YIPF4: variants seen among roughly 807,000 people sequenced by gnomAD.
YIPF4 encodes the protein protein YIPF4.
A neutral mutation model predicts 29.4 loss-of-function variants in YIPF4; 18 were observed. The observed-to-expected ratio is 0.61, with a 90% CI of 0.42 to 0.91. The LOEUF is 0.91. YIPF4 is among the 40% of genes least tolerant of loss of function. The pLI is 0.00. For missense variants in YIPF4, 279 were observed against 282.7 expected (o/e 0.99, Z 0.09); for synonymous variants, 115 against 104.7 (o/e 1.10, Z -0.60).
rs1193780020 is a variant in YIPF4 at position 32,309,626 on chromosome 2, T to C, written c.*4000T>C. On this transcript the variant is annotated 3_prime_UTR_variant, in exon 6 of 6. Coordinates refer to ENST00000238831, the MANE Select transcript of YIPF4 (RefSeq NM_032312.4). ...AAAACTAGTTGAATACTTCTAAATA[T>C]TCATTTTTGTTAGTGCACATTTTAT... The C allele has an allele frequency of 6.6e-6, 1 of 152,006 alleles. No homozygotes were observed. The highest frequency in any genetic ancestry group is 1.5e-5 in the Non-Finnish European group (1 of 68,006). The allele number at this position is 152,006 out of a possible 1,614,324, so 9.4% of individuals were successfully genotyped here. A position where few individuals can be genotyped will look rare whatever the true frequency, so the allele number is the denominator to read the frequency against.
At chr2:32,285,517 T>A (rs866789223) in intron 1 of YIPF4, among the ~76,000 whole-genome samples, 3 of 152,186 alleles carry the variant, frequency 2.0e-5, no homozygotes, top group South Asian at 4.1e-4. Flanking sequence ...ACTATCAGTG[T>A]TCTTTTGAGT....
At chr2:32,284,701 T>G (rs1375998671) in intron 1 of YIPF4, among the ~76,000 whole-genome samples, 1 of 152,196 alleles carries the variant, frequency 6.6e-6, no homozygotes, top group African/African-American at 2.4e-5. Context: ...AATGCAAGAA[T>G]GGACTAATAC....
rs2031657604 is a variant in YIPF4, at chr2:32,309,034, A to G, written c.*3408A>G. On this transcript the variant is annotated 3_prime_UTR_variant, in exon 6 of 6. Transcript: ENST00000238831. ...TGACAGAGTGAGACTCCGTCTCAAA[A>G]AAAAAAAAAAAAAAAATCAAAATCT... 6.6e-6 allele frequency: 1 copy of G among 151,610 alleles called. No individual in the cohort carries two copies. The highest frequency in any genetic ancestry group is 2.4e-5 in the African/African-American group (1 of 41,366). 9.4% of individuals were successfully genotyped at this position (151,610 alleles called of 1,614,324 possible).
chr2:32,283,836 G>C (rs1162029691), intron 1 of YIPF4, among the ~76,000 whole-genome samples: 1 of 151,594 alleles, frequency 6.6e-6, no homozygotes, highest in East Asian at 1.9e-4. Flanking sequence ...TCCTGCCTCA[G>C]CCTCCCAAGT....
At position 32,309,134 on chromosome 2, in the gene YIPF4, T is replaced by C. The variant is rs894771704; in HGVS notation, c.*3508T>C. On this transcript the variant is annotated 3_prime_UTR_variant, in exon 6 of 6. Coordinates refer to ENST00000238831, the MANE Select transcript of YIPF4 (RefSeq NM_032312.4). ...GCTTATGAACCATTGTAAAACCTTA[T>C]TTCTAAGGTCTGTAAGACAGTTTTA... 1.3e-5 allele frequency: 2 copies of C among 152,202 alleles called. No homozygotes were observed. The allele number at this position is 152,202 out of a possible 1,614,324, so 9.4% of individuals were successfully genotyped here.
chr2:32,292,912 G>A (rs7597481), intron 3 of YIPF4, among the ~76,000 whole-genome samples: 12 of 150,486 alleles, frequency 8.0e-5, no homozygotes, highest in Non-Finnish European at 1.3e-4. Flanking sequence ...ATGGCACACT[G>A]GGGTAAATGA....
rs2031548229 is a variant in YIPF4 at position 32,305,510 on chromosome 2, G to C, written c.619G>C (p.Ala207Pro). Residue 207 changes from alanine (A) to proline (P), a missense_variant, in exon 6 of 6, where the codon GCC becomes CCC. Ala to Pro is a conservative substitution (Grantham distance 27). Transcript: ENST00000238831. ...LIKLFGVFWA[A>P]YSAASLLVGE... ...AAAGCTGTTTGGTGTGTTTTGGGCT[G>C]CCTACAGTGCTGCTTCATTGTTAGT... The C allele has an allele frequency of 6.2e-7, 1 of 1,600,712 alleles. No individual in the cohort carries two copies. Among genetic ancestry groups the C allele is most frequent in the Admixed American group, 1.7e-5 (1 of 58,558 alleles).
chr2:32,309,223 A>G lies in YIPF4; in HGVS notation c.*3597A>G, dbSNP rs953276401. ...ACTCATACAGCCATTGAGCACCCCA[A>G]TCCAAAATTCAGAATGCTTCAGATA... On this transcript the variant is annotated 3_prime_UTR_variant, in exon 6 of 6. Transcript: ENST00000238831. 6.6e-6 allele frequency: 1 copy of G among 152,084 alleles called. No homozygotes were observed. Among genetic ancestry groups the G allele is most frequent in the South Asian group, 2.1e-4 (1 of 4,832 alleles). The allele number at this position is 152,084 out of a possible 1,614,324, so 9.4% of individuals were successfully genotyped here. A position where few individuals can be genotyped will look rare whatever the true frequency, so the allele number is the denominator to read the frequency against.
chr2:32,298,456 G>A lies in YIPF4; in HGVS notation c.483+145G>A, dbSNP rs1051547472. ...TTCCTTTAAGATGATCAACATATTA[G>A]TATTGTGCTTACTCAATAAATAGTA... On this transcript the variant is annotated intron_variant, in intron 4 of 5. Coordinates refer to ENST00000238831, the MANE Select transcript of YIPF4 (RefSeq NM_032312.4). 1.0e-4 allele frequency: 58 copies of A among 567,928 alleles called. 1 individual carries two copies. The highest frequency in any genetic ancestry group is 1.4e-4 in the Non-Finnish European group (45 of 328,728). 35.2% of individuals were successfully genotyped at this position (567,928 alleles called of 1,614,324 possible).
In YIPF4 at chr2:32,277,997, G is replaced by A. The variant is rs1279194464; in HGVS notation, c.-159G>A. On this transcript the variant is annotated 5_prime_UTR_variant, in exon 1 of 6. Coordinates refer to ENST00000238831, the MANE Select transcript of YIPF4 (RefSeq NM_032312.4). ...GGTGGGGTAGTCTCGGGGCAGCTCA[G>A]CGGCCCGCTGTGCCCGTTTCTGGCC... 3.5e-5 allele frequency: 21 copies of A among 607,844 alleles called. No homozygotes were observed. Among genetic ancestry groups the A allele is most frequent in the Non-Finnish European group, 3.0e-5 (11 of 362,222 alleles). The allele number at this position is 607,844 out of a possible 1,614,324, so 37.7% of individuals were successfully genotyped here.
In YIPF4 at chr2:32,306,475, C is replaced by A. The variant is rs1312982589; in HGVS notation, c.*849C>A. 2.0e-6 allele frequency: 2 copies of A among 983,502 alleles called. No individual in the cohort carries two copies. Among genetic ancestry groups the A allele is most frequent in the Non-Finnish European group, 2.4e-6 (2 of 828,202 alleles). The allele number at this position is 983,502 out of a possible 1,614,324, so 60.9% of individuals were successfully genotyped here. On this transcript the variant is annotated 3_prime_UTR_variant, in exon 6 of 6. Transcript: ENST00000238831. ...CATCAGTAAATATTTTTAAGTGGTACTTCTAAATCATAAAAGTTGGGGAAA... is the reference window on the plus strand; with the variant it reads ...CATCAGTAAATATTTTTAAGTGGTAATTCTAAATCATAAAAGTTGGGGAAA...
chr2:32,293,438 A>G (rs1409548282), intron 3 of YIPF4, among the ~76,000 whole-genome samples: 1 of 152,252 alleles, frequency 6.6e-6, no homozygotes, highest in African/African-American at 2.4e-5. Flanking sequence ...ATCCCAAGGC[A>G]GAAGAATTTT....
At chr2:32,294,127 C>A (rs1340979666) in intron 3 of YIPF4, among the ~76,000 whole-genome samples, 1 of 151,012 alleles carries the variant, frequency 6.6e-6, no homozygotes, top group Admixed American at 6.6e-5. Flanking sequence ...CGCTGACCCC[C>A]CCACTTCCCT....
intron 1 of YIPF4, among the ~76,000 whole-genome samples, chr2:32,282,733 A>G (rs1041392400): frequency 2.0e-5 from 3 of 151,934 alleles, no homozygotes; most frequent in Admixed American, 2.0e-4. Flanking sequence ...TGCCCCGCCA[A>G]CTTACCCTTT....
chr2:32,291,742 G>A (rs529486338), intron 2 of YIPF4, among the ~76,000 whole-genome samples: 3 of 152,182 alleles, frequency 2.0e-5, no homozygotes, highest in Non-Finnish European at 4.4e-5. Flanking sequence ...GTTTGCTTCA[G>A]TTTGACAGTG....
At chr2:32,302,240 A>G (rs1274827154) in intron 5 of YIPF4, among the ~76,000 whole-genome samples, 1 of 151,732 alleles carries the variant, frequency 6.6e-6, no homozygotes, top group African/African-American at 2.4e-5. Flanking sequence ...CGTATTGTCC[A>G]GGCTGGTCTC....
chr2:32,314,434 G>A lies in YIPF4; in HGVS notation c.*8808G>A, dbSNP rs960414696. ...TACGCCTGTAATCCCAGCTCTTTGG[G>A]AGGCAGAGGCTGGCAGATCACCTGA... On this transcript the variant is annotated 3_prime_UTR_variant, in exon 6 of 6. Transcript: ENST00000238831. 2 of 152,350 alleles carry A rather than the reference G, an allele frequency of 1.3e-5. No individual in the cohort carries two copies. The highest frequency in any genetic ancestry group is 1.3e-4 in the Admixed American group (2 of 15,296). 9.4% of individuals were successfully genotyped at this position (152,350 alleles called of 1,614,324 possible). A position where few individuals can be genotyped will look rare whatever the true frequency, so the allele number is the denominator to read the frequency against.
At chr2:32,291,721 A>G (rs894168745) in intron 2 of YIPF4, among the ~76,000 whole-genome samples, 2 of 152,216 alleles carry the variant, frequency 1.3e-5, no homozygotes, top group African/African-American at 2.4e-5. Context: ...CAACACAAAG[A>G]CAGCAAGGAA....
chr2:32,290,738 T>G, intron 2 of YIPF4, 102 bp downstream of exon 2: 1 of 773,992 alleles, frequency 1.3e-6, no homozygotes, highest in Non-Finnish European at 1.8e-6. Context: ...CCTTTTTTGG[T>G]CAAAAGCTAT....
Sources: allele counts gnomAD v4.1 joint callset (sites outside exome capture counted in the v4.1 genomes callset), GRCh38; gene constraint gnomAD v4.1.1; transcripts MANE v1.5; gene names NCBI Gene and HGNC (gene_info 2026-07-23, HGNC 2026-07-21).